The following MAP4K5 variants were observed in gnomAD, a reference collection of about 807,000 sequenced individuals.
MAP4K5 encodes the protein mitogen-activated protein kinase kinase kinase kinase 5.
A neutral mutation model predicts 135.6 loss-of-function variants in MAP4K5; 82 were observed. That is an observed-to-expected ratio of 0.60 (90% CI 0.51 to 0.73). MAP4K5 has a LOEUF of 0.73. Ranked by LOEUF, MAP4K5 falls within the 30% of genes least tolerant of loss-of-function variation. The probability of loss-of-function intolerance (pLI) is 0.00; values close to 1 mark genes in which losing one functional copy is unlikely to be tolerated. For synonymous variants in MAP4K5, 347 were observed against 335.0 expected (o/e 1.04, Z -0.39); for missense variants, 907 against 1,010.9 (o/e 0.90, Z 1.39).
chr14:50,531,932 C>A lies in MAP4K5; in HGVS notation c.108+10G>T. 1 of 1,572,988 alleles carries A rather than the reference C, an allele frequency of 6.4e-7. No homozygotes were observed. Among genetic ancestry groups the A allele is most frequent in the Non-Finnish European group, 8.7e-7 (1 of 1,153,774 alleles). On this transcript the variant is annotated intron_variant, in intron 2 of 32. Transcript: ENST00000682126. ...GACCGCAGGAAAAAAGCACGGCCAGCCTCACTTACCTTATAGACGTCCCCG... is the reference window on the plus strand; with the variant it reads ...GACCGCAGGAAAAAAGCACGGCCAGACTCACTTACCTTATAGACGTCCCCG...
intron 10 of MAP4K5, among the ~76,000 whole-genome samples, chr14:50,467,812 A>G (rs941735844): frequency 6.6e-6 from 1 of 152,148 alleles, no homozygotes; most frequent in Non-Finnish European, 1.5e-5. Flanking sequence ...TTAGCTGCTT[A>G]TGAGCTCAAA....
intron 20 of MAP4K5, among the ~76,000 whole-genome samples, chr14:50,443,358 A>G (rs1042886172): frequency 1.3e-5 from 2 of 151,978 alleles, no homozygotes; most frequent in Non-Finnish European, 2.9e-5. Flanking sequence ...AGGAAAATGC[A>G]TTAATATAAG....
intron 2 of MAP4K5, among the ~76,000 whole-genome samples, chr14:50,514,589 T>G (rs1047243943): frequency 1.3e-5 from 2 of 152,098 alleles, no homozygotes; most frequent in African/African-American, 4.8e-5. Context: ...AAGTCAACAT[T>G]GGAGGATTCT....
chr14:50,527,262 C>A (rs757148999), intron 2 of MAP4K5, among the ~76,000 whole-genome samples: 1 of 152,086 alleles, frequency 6.6e-6, no homozygotes, highest in Non-Finnish European at 1.5e-5. Context: ...TCACCTGAAC[C>A]AGGGAGTCAG....
chr14:50,432,956 G>A (rs1245732422), intron 28 of MAP4K5, among the ~76,000 whole-genome samples: 9 of 152,060 alleles, frequency 5.9e-5, no homozygotes, highest in Non-Finnish European at 1.0e-4. Context: ...TCCTGCCTCA[G>A]CCTCCCTAGT....
At chr14:50,536,636 A>G (rs933191253), upstream of MAP4K5, among the ~76,000 whole-genome samples, 4 of 152,184 alleles carry the variant, frequency 2.6e-5, no homozygotes, top group African/African-American at 9.6e-5. Flanking sequence ...AAATGCTAAT[A>G]GTGATATAAC....
At chr14:50,521,913 T>C (rs965641670) in intron 2 of MAP4K5, among the ~76,000 whole-genome samples, 1 of 152,144 alleles carries the variant, frequency 6.6e-6, no homozygotes, top group Non-Finnish European at 1.5e-5. Flanking sequence ...ATACTCAAAA[T>C]AGTCCAATAC....
chr14:50,427,589 C>G (rs899310000), intron 30 of MAP4K5, among the ~76,000 whole-genome samples: 2 of 151,848 alleles, frequency 1.3e-5, no homozygotes, highest in Non-Finnish European at 2.9e-5. Flanking sequence ...TTTTATGGCC[C>G]AAATAAAAAT....
upstream of MAP4K5, among the ~76,000 whole-genome samples, chr14:50,534,464 C>T (rs1282657877): frequency 1.3e-5 from 2 of 152,186 alleles, no homozygotes; most frequent in African/African-American, 2.4e-5. Flanking sequence ...AAACTGAATG[C>T]CCAGTTTGAG....
chr14:50,533,462 TAAC>T (rs1208790907), upstream of MAP4K5: 1 of 152,170 alleles, frequency 6.6e-6, no homozygotes, highest in Non-Finnish European at 1.5e-5. Context: ...TTAAAATACT[TAAC>T]AATGCACAGC....
intron 2 of MAP4K5, among the ~76,000 whole-genome samples, chr14:50,519,508 G>GT (rs1485308374): frequency 6.6e-6 from 1 of 151,950 alleles, no homozygotes; most frequent in African/African-American, 2.4e-5. Context: ...ACAAAAATTA[G>GT]TCAAGTGTGG....
intron 3 of MAP4K5, among the ~76,000 whole-genome samples, chr14:50,493,042 A>G (rs976630409): frequency 2.1e-5 from 3 of 145,500 alleles, no homozygotes; most frequent in African/African-American, 7.6e-5. Flanking sequence ...AAAAAAAAGG[A>G]AAAAAAAAAA....
At chr14:50,554,687 A>C (rs1490004436) in intron 1 of MAP4K5, among the ~76,000 whole-genome samples, 1 of 152,226 alleles carries the variant, frequency 6.6e-6, no homozygotes, top group East Asian at 1.9e-4. Flanking sequence ...ACAGTAGGCA[A>C]AGAAGTTACA....
At chr14:50,477,759 G>C (rs1001934355) in intron 6 of MAP4K5, among the ~76,000 whole-genome samples, 3 of 152,066 alleles carry the variant, frequency 2.0e-5, no homozygotes, top group Admixed American at 2.0e-4. Flanking sequence ...TAGTTGTTAA[G>C]ATGAAATGAT....
chr14:50,542,975 G>A (rs2038585404), intron 1 of MAP4K5, among the ~76,000 whole-genome samples: 1 of 152,206 alleles, frequency 6.6e-6, no homozygotes, highest in Non-Finnish European at 1.5e-5. Context: ...TTGAGATAAG[G>A]AAGTCAGTGG....
chr14:50,462,419 G>A (rs553679805), intron 13 of MAP4K5, among the ~76,000 whole-genome samples: 1 of 152,248 alleles, frequency 6.6e-6, no homozygotes, highest in African/African-American at 2.4e-5. Context: ...AAGAGACAGT[G>A]TTAAGAACTA....
At chr14:50,505,107 T>C (rs1050531870) in intron 2 of MAP4K5, 1 of 339,064 alleles carries the variant, frequency 2.9e-6, no homozygotes, top group African/African-American at 2.1e-5. Flanking sequence ...TTTGGTCTAC[T>C]TCCTCCAAGG....
intron 9 of MAP4K5, among the ~76,000 whole-genome samples, chr14:50,473,452 T>A (rs1055306188): frequency 2.6e-5 from 4 of 152,214 alleles, no homozygotes; most frequent in African/African-American, 4.8e-5. Context: ...ATTATTTTAC[T>A]AACTGCTTCT....
chr14:50,483,871 T>C (rs943113057), intron 5 of MAP4K5, among the ~76,000 whole-genome samples: 1 of 151,608 alleles, frequency 6.6e-6, no homozygotes, highest in Admixed American at 6.6e-5. Flanking sequence ...TATTTATTTA[T>C]TTATTTATTG....
Sources: allele counts gnomAD v4.1 joint callset (sites outside exome capture counted in the v4.1 genomes callset), GRCh38; gene constraint gnomAD v4.1.1; transcripts MANE v1.5; gene names NCBI Gene and HGNC (gene_info 2026-07-23, HGNC 2026-07-21).